LRRC1: variants seen among roughly 807,000 people sequenced by gnomAD.
LRRC1 encodes leucine rich repeat containing 1, also known as leucine-rich repeat-containing protein 1.
A neutral mutation model predicts 69.9 loss-of-function variants in LRRC1; 28 were observed. The observed-to-expected ratio is 0.40, with a 90% CI of 0.30 to 0.55. The LOEUF (loss-of-function observed/expected upper bound fraction) is 0.55. Ranked by LOEUF, LRRC1 falls within the 20% of genes least tolerant of loss-of-function variation. The pLI is 0.47. For missense variants in LRRC1, 498 were observed against 609.0 expected, an observed-to-expected ratio of 0.82 and a Z score of 1.92; for synonymous variants, 236 against 240.2, an observed-to-expected ratio of 0.98 and a Z score of 0.16.
chr6:53,875,967 C>G (rs1767054684), intron 2 of LRRC1, among the ~76,000 whole-genome samples: 1 of 152,188 alleles, frequency 6.6e-6, no homozygotes, highest in Non-Finnish European at 1.5e-5. Flanking sequence ...CAGTGCTATA[C>G]AACAGCAGTT....
In LRRC1 at chr6:53,919,477, T is replaced by TAAAA. The variant is rs59865937; in HGVS notation, c.1107-7_1107-4dup. 3.6e-4 allele frequency: 450 copies of TAAAA among 1,256,586 alleles called. 1 individual carries two copies. Among genetic ancestry groups the TAAAA allele is most frequent in the Non-Finnish European group, 3.5e-4 (341 of 962,006 alleles). 77.8% of individuals were successfully genotyped at this position (1,256,586 alleles called of 1,614,324 possible). A position where few individuals can be genotyped will look rare whatever the true frequency, so the allele number is the denominator to read the frequency against. On this transcript the variant is annotated intron_variant, in intron 11 of 13. Coordinates refer to ENST00000370888, the MANE Select transcript of LRRC1 (RefSeq NM_018214.5). ...TTTGAGGTTGTGATGTCTCTTTTTT[T>TAAAA]AAAAAAAAAAAAAAAAACAGGTTGC...
chr6:53,831,041 C>T (rs1319060048), intron 1 of LRRC1, among the ~76,000 whole-genome samples: 1 of 150,724 alleles, frequency 6.6e-6, no homozygotes, highest in Non-Finnish European at 1.5e-5. Context: ...ATAATAAAAT[C>T]ACACAATTTT....
chr6:53,895,331 A>G (rs1767835725), intron 4 of LRRC1, among the ~76,000 whole-genome samples: 1 of 152,236 alleles, frequency 6.6e-6, no homozygotes, highest in African/African-American at 2.4e-5. Flanking sequence ...ATTTCATAAT[A>G]CAGTTAAAAT....
chr6:53,922,665 C>T lies in LRRC1; in HGVS notation c.1447C>T (p.Pro483Ser). 1.9e-6 allele frequency: 3 copies of T among 1,613,852 alleles called. No individual in the cohort carries two copies. Among genetic ancestry groups the T allele is most frequent in the Non-Finnish European group, 2.5e-6 (3 of 1,179,852 alleles). Reference sequence around the variant, plus strand: ...ACTTCTAAGGCGAGCCACTCCACACCCAGGGGAGTTAAAGCACATGAAAAA... The same window carrying T: ...ACTTCTAAGGCGAGCCACTCCACACTCAGGGGAGTTAAAGCACATGAAAAA... Reference protein sequence around the residue: ...RTLLRRATPHPGELKHMKKTV... With the variant: ...RTLLRRATPHSGELKHMKKTV... The change falls in exon 14 of 14, where the codon CCA becomes TCA. Residue 483 changes from proline (P) to serine (S), a missense_variant. Pro to Ser is a moderately conservative substitution (Grantham distance 74, BLOSUM62 -1). This residue lies in a region of LRRC1 where 162 missense variants were observed against 162.9 expected (regional missense o/e 0.99). Coordinates refer to ENST00000370888, the MANE Select transcript of LRRC1 (RefSeq NM_018214.5).
chr6:53,871,879 G>A (rs1425094177), intron 2 of LRRC1, among the ~76,000 whole-genome samples: 1 of 152,136 alleles, frequency 6.6e-6, no homozygotes, highest in African/African-American at 2.4e-5. Flanking sequence ...TGTTAGCCAG[G>A]CTGGTCTCGA....
intron 2 of LRRC1, among the ~76,000 whole-genome samples, chr6:53,862,286 CGTGTGTGTGT>C (rs6149589): frequency 0.2 from 28,962 of 144,284 alleles, 3,351 homozygotes; most frequent in East Asian, 0.55. Flanking sequence ...TAACCTGAAT[CGTGTGTGTGT>C]GTGTGTGTGT....
At chr6:53,809,609 A>G (rs1397542529) in intron 1 of LRRC1, among the ~76,000 whole-genome samples, 1 of 152,216 alleles carries the variant, frequency 6.6e-6, no homozygotes, top group Non-Finnish European at 1.5e-5. Flanking sequence ...TTACTTGTGT[A>G]CTTTATTTAG....
chr6:53,812,925 G>T (rs898265278), intron 1 of LRRC1, among the ~76,000 whole-genome samples: 189 of 151,946 alleles, frequency 1.2e-3, no homozygotes, highest in Non-Finnish European at 1.1e-3. Context: ...GTGGTGCCAG[G>T]CTTCTGATTT....
In LRRC1 at chr6:53,897,376, C is replaced by T; in HGVS notation, c.642+17C>T. The T allele has an allele frequency of 6.5e-7, 1 of 1,539,186 alleles. No homozygotes were observed. Among genetic ancestry groups the T allele is most frequent in the Non-Finnish European group, 9.0e-7 (1 of 1,113,678 alleles). On this transcript the variant is annotated intron_variant, in intron 7 of 13. Transcript: ENST00000370888. ...TTACCTCAGGTAAGTGGTAATTTCA[C>T]AGTGTCTCCCCAAAACATAAAACAG...
rs751460067 is a variant in LRRC1 at position 53,795,289 on chromosome 6, C to T, written c.33C>T (p.Asn11=). Residue 11 remains asparagine (N), a synonymous_variant, in exon 1 of 14, where the codon AAC becomes AAT. Coordinates refer to ENST00000370888, the MANE Select transcript of LRRC1 (RefSeq NM_018214.5). ...ACTGCATCCCCCTGTGGCGGTGCAA[C>T]CGTCATGTGGAGAGCATCGACAAGC... is the stretch of plus-strand genomic sequence containing the variant. The part of the protein sequence containing the change: MFHCIPLWRC[N]RHVESIDKRH... The T allele has an allele frequency of 1.2e-6, 2 of 1,612,514 alleles. No homozygotes were observed. Among genetic ancestry groups the T allele is most frequent in the Non-Finnish European group, 1.7e-6 (2 of 1,179,786 alleles).
At chr6:53,824,289 T>A (rs1479024934) in intron 1 of LRRC1, among the ~76,000 whole-genome samples, 1 of 152,164 alleles carries the variant, frequency 6.6e-6, no homozygotes, top group East Asian at 1.9e-4. Flanking sequence ...TGCATTTATG[T>A]CTTCTTTTGA....
chr6:53,921,176 C>T lies in LRRC1; in HGVS notation c.1416+415C>T, dbSNP rs1331773137. Among the ~76,000 whole-genome samples the T allele has an allele frequency of 2.0e-5, 3 of 152,090 alleles. No individual in the cohort carries two copies. In the East Asian group the frequency reaches 5.8e-4, roughly 29 times the overall value. Reference sequence around the variant, plus strand: ...AGAGATGACGTTTCACCATGTTGTCCAGGCTGGTCTACAGTTCCTGGACTC... The same window carrying T: ...AGAGATGACGTTTCACCATGTTGTCTAGGCTGGTCTACAGTTCCTGGACTC... On this transcript the variant is annotated intron_variant, in intron 13 of 13. Coordinates refer to ENST00000370888, the MANE Select transcript of LRRC1 (RefSeq NM_018214.5).
intron 4 of LRRC1, among the ~76,000 whole-genome samples, chr6:53,887,559 A>G (rs1032198559): frequency 6.6e-6 from 1 of 151,952 alleles, no homozygotes; most frequent in Non-Finnish European, 1.5e-5. Flanking sequence ...CCTGAGCTTT[A>G]TTAGCTTCCT....
At chr6:53,912,647 A>C (rs1031111182) in intron 10 of LRRC1, among the ~76,000 whole-genome samples, 7 of 152,222 alleles carry the variant, frequency 4.6e-5, no homozygotes, top group Non-Finnish European at 8.8e-5. Context: ...GGAGGAAATA[A>C]AAAGATTATG....
intron 4 of LRRC1, among the ~76,000 whole-genome samples, chr6:53,896,064 A>G (rs969678636): frequency 6.6e-6 from 1 of 152,210 alleles, no homozygotes; most frequent in Admixed American, 6.5e-5. Flanking sequence ...TCTCACTGAT[A>G]CTGGGAAGAA....
At chr6:53,810,092 G>A (rs1223071991) in intron 1 of LRRC1, among the ~76,000 whole-genome samples, 1 of 152,228 alleles carries the variant, frequency 6.6e-6, no homozygotes, top group African/African-American at 2.4e-5. Context: ...AAGAGGTTGG[G>A]AATGAGTGTG....
At chr6:53,903,943 C>T (rs1033388584) in intron 9 of LRRC1, among the ~76,000 whole-genome samples, 5 of 152,234 alleles carry the variant, frequency 3.3e-5, no homozygotes, top group African/African-American at 1.2e-4. Context: ...ATAGCCCTTG[C>T]CTTTCCCTGC....
At chr6:53,805,119 G>A (rs1764601347) in intron 1 of LRRC1, among the ~76,000 whole-genome samples, 1 of 151,952 alleles carries the variant, frequency 6.6e-6, no homozygotes, top group Admixed American at 6.5e-5. Context: ...TTAGTCAGTT[G>A]AGCAGGTATT....
At chr6:53,907,698 C>T (rs940307919) in intron 10 of LRRC1, among the ~76,000 whole-genome samples, 1 of 148,382 alleles carries the variant, frequency 6.7e-6, no homozygotes, top group Admixed American at 6.7e-5. Context: ...TTTGTGTGCT[C>T]TTCATTGTAA....
Sources: gnomAD v4.1 joint callset for allele counts (sites outside exome capture counted in the v4.1 genomes callset) on GRCh38, gnomAD v4.1.1 for gene constraint, gnomAD v4.1.1 regional missense constraint, MANE v1.5 for transcripts, NCBI Gene and HGNC (gene_info 2026-07-23, HGNC 2026-07-21) for gene names.